Variants in SPPL2A observed in about 807,000 individuals in gnomAD.
SPPL2A encodes the protein signal peptide peptidase like 2A, also known as signal peptide peptidase-like 2A.
SPPL2A carries 51 observed loss-of-function variants against 63.8 expected under a neutral mutation model. The ratio of observed to expected loss-of-function variants is 0.80; its 90% CI spans 0.64 to 1.01. The LOEUF (loss-of-function observed/expected upper bound fraction) is 1.01. Ranked by LOEUF, SPPL2A falls within the 50% of genes least tolerant of loss-of-function variation. The pLI is 0.00. For missense variants in SPPL2A, 553 were observed against 622.7 expected (o/e 0.89, Z 1.19); for synonymous variants, 188 against 205.8 (o/e 0.91, Z 0.74).
At position 50,734,534 on chromosome 15, in the gene SPPL2A, A is replaced by G. The variant is rs192535620; in HGVS notation, c.932+1567T>C. 8.5e-5 allele frequency among the ~76,000 whole-genome samples: 13 copies of G among 152,294 alleles called. No individual in the cohort carries two copies. The East Asian group carries it at 2.5e-3, about 29-fold the overall frequency. On this transcript the variant is annotated intron_variant, in intron 8 of 14. Coordinates refer to ENST00000261854, the MANE Select transcript of SPPL2A (RefSeq NM_032802.4). ...TACCAGAGGCTAAAAAAAGGTAGAG[A>G]GTGGGGGTGATAAAGTGAAGATGGT...
intron 5 of SPPL2A, among the ~76,000 whole-genome samples, chr15:50,744,012 T>TA (rs1257420600): frequency 2.0e-5 from 3 of 151,106 alleles, no homozygotes; most frequent in Middle Eastern, 3.4e-3. Context: ...CCATCTCTAC[T>TA]AAAAAAAATA....
intron 12 of SPPL2A, 32 bp from the exon 13 acceptor site, chr15:50,722,233 A>T: frequency 1.6e-6 from 2 of 1,228,054 alleles, no homozygotes; most frequent in Non-Finnish European, 2.4e-6. Flanking sequence ...TATTTTCTTA[A>T]AACAATAACA....
intron 13 of SPPL2A, 105 bp downstream of exon 13, chr15:50,722,019 T>A (rs2062651041): frequency 1.5e-6 from 1 of 658,118 alleles, no homozygotes; most frequent in Non-Finnish European, 2.7e-6. Flanking sequence ...ACTCCAGGGG[T>A]GAACCACCAT....
In SPPL2A at chr15:50,707,805, G is replaced by C. The variant is rs1258217922; in HGVS notation, c.1558C>G (p.Gln520Glu). 5.9e-6 allele frequency: 9 copies of C among 1,526,378 alleles called. No homozygotes were observed. The highest frequency in any genetic ancestry group is 8.2e-6 in the Non-Finnish European group (9 of 1,100,300). The allele number at this position is 1,526,378 out of a possible 1,614,324, so 94.6% of individuals were successfully genotyped here. ...TATAGCAGTTCCACATAATATTATTGCTGGACAATCTGTTCACCAGATATC... is the reference window on the plus strand; with the variant it reads ...TATAGCAGTTCCACATAATATTATTCCTGGACAATCTGTTCACCAGATATC... ...PVISGEQIVQ[Q>E] The change falls in exon 15 of 15, where the codon CAA becomes GAA. Residue 520 changes from glutamine to glutamate, a missense_variant. Transcript: ENST00000261854.
intron 10 of SPPL2A, among the ~76,000 whole-genome samples, chr15:50,730,635 T>TA (rs1473988540): frequency 6.6e-6 from 1 of 152,208 alleles, no homozygotes; most frequent in Non-Finnish European, 1.5e-5. Flanking sequence ...TGCTCTTTCT[T>TA]AGTCTCAAAC....
intron 6 of SPPL2A, 52 bp downstream of exon 6, chr15:50,739,624 TAGTC>T: frequency 8.2e-7 from 1 of 1,224,434 alleles, no homozygotes; most frequent in Non-Finnish European, 1.1e-6. Flanking sequence ...AATCTAGTAA[TAGTC>T]AGTGAAAAGA....
At chr15:50,749,579 C>T (rs570729315) in intron 2 of SPPL2A, 57 bp downstream of exon 2, 34 of 1,179,644 alleles carry the variant, frequency 2.9e-5, no homozygotes, top group South Asian at 2.8e-4. Flanking sequence ...AGCCACCGTG[C>T]CCAGCCTCCT....
chr15:50,710,100 T>C (rs564522760), intron 14 of SPPL2A, among the ~76,000 whole-genome samples: 8 of 152,366 alleles, frequency 5.3e-5, no homozygotes, highest in African/African-American at 1.9e-4. Flanking sequence ...TTAAAAGTTC[T>C]GGGTCTAAGA....
intron 10 of SPPL2A, among the ~76,000 whole-genome samples, chr15:50,726,853 C>CCT (rs2062691696): frequency 6.6e-6 from 1 of 152,146 alleles, no homozygotes; most frequent in South Asian, 2.1e-4. Context: ...ATACATCTGA[C>CCT]CTTCTGGCTA....
At position 50,765,499 on chromosome 15, in the gene SPPL2A, G is replaced by T; in HGVS notation, c.35C>A (p.Ala12Asp). 1 of 1,503,014 alleles carries T rather than the reference G, an allele frequency of 6.7e-7. No homozygotes were observed. The highest frequency in any genetic ancestry group is 8.8e-7 in the Non-Finnish European group (1 of 1,133,556). 93.1% of individuals were successfully genotyped at this position (1,503,014 alleles called of 1,614,324 possible). A position where few individuals can be genotyped will look rare whatever the true frequency, so the allele number is the denominator to read the frequency against. ...GAGCAGGAAGCCCCAGAGTAGGGCG[G>T]CCCCGGCAGGGGACAGCCGCCGCTG... is the stretch of plus-strand genomic sequence containing the variant. ...GPQRRLSPAG[A>D]ALLWGFLLQL... The change falls in exon 1 of 15, where the codon GCC becomes GAC. Residue 12 changes from alanine (A) to aspartate (D), a missense_variant. Transcript: ENST00000261854.
chr15:50,721,865 C>T (rs2062649880), intron 13 of SPPL2A, among the ~76,000 whole-genome samples: 1 of 152,136 alleles, frequency 6.6e-6, no homozygotes, highest in Non-Finnish European at 1.5e-5. Context: ...CTCGGCCTCC[C>T]AAAGTGCTGG....
chr15:50,738,286 C>A (rs1331766174), intron 6 of SPPL2A, among the ~76,000 whole-genome samples: 1 of 152,098 alleles, frequency 6.6e-6, no homozygotes, highest in East Asian at 1.9e-4. Context: ...CGGTAACTCA[C>A]GCCTGTAATC....
chr15:50,731,933 A>C (rs2062734450), intron 9 of SPPL2A, among the ~76,000 whole-genome samples: 1 of 126,642 alleles, frequency 7.9e-6, no homozygotes, highest in Non-Finnish European at 1.7e-5. Flanking sequence ...ATCTCAAAAA[A>C]AAAAAAAAAA....
At position 50,703,349 on chromosome 15, in the gene SPPL2A, TATATA is replaced by T. The variant is rs2062489379; in HGVS notation, c.*4446_*4450del. The T allele has an allele frequency of 9.1e-5, 8 of 87,946 alleles. No homozygotes were observed. The highest frequency in any genetic ancestry group is 4.1e-4 in the South Asian group (1 of 2,416). 5.4% of individuals were successfully genotyped at this position (87,946 alleles called of 1,614,324 possible). On this transcript the variant is annotated 3_prime_UTR_variant, in exon 15 of 15. Coordinates refer to ENST00000261854, the MANE Select transcript of SPPL2A (RefSeq NM_032802.4). Reference sequence around the variant, plus strand: ...ACATATATATATATATATATATACATATATATATTTTTTTTTTTTTTTTTTTTTTT... The same window carrying T: ...ACATATATATATATATATATATACATTATTTTTTTTTTTTTTTTTTTTTTT...
rs146453456 is a variant in SPPL2A at position 50,749,709 on chromosome 15, T to C, written c.104A>G (p.Asn35Ser). 1.2e-6 allele frequency: 2 copies of C among 1,613,670 alleles called. No individual in the cohort carries two copies. The highest frequency in any genetic ancestry group is 1.3e-5 in the African/African-American group (1 of 74,918). Residue 35 changes from asparagine to serine, a missense_variant, in exon 2 of 15, where the codon AAT becomes AGT. Transcript: ENST00000261854. The part of the protein sequence containing the change: ...AQEAILHASG[N>S]GTTKDYCMLY... ...CATGCAGTAGTCCTTGGTTGTGCCA[T>C]TTCCAGACGCATGCAAGATTGCTTC... is the stretch of plus-strand genomic sequence containing the variant.
chr15:50,722,287 T>C (rs1180035364), intron 12 of SPPL2A, 86 bp from the exon 13 acceptor site: 9 of 746,532 alleles, frequency 1.2e-5, no homozygotes, highest in South Asian at 9.6e-5. Context: ...ATATGTTATA[T>C]TGAATCTTCA....
At chr15:50,738,564 A>G (rs184393087) in intron 6 of SPPL2A, among the ~76,000 whole-genome samples, 68 of 151,752 alleles carry the variant, frequency 4.5e-4, no homozygotes, top group African/African-American at 1.5e-3. Flanking sequence ...AAAAAAAAAA[A>G]GCTGAATGAA....
At chr15:50,753,948 C>G (rs1322995352) in intron 1 of SPPL2A, among the ~76,000 whole-genome samples, 2 of 152,100 alleles carry the variant, frequency 1.3e-5, no homozygotes, top group East Asian at 3.9e-4. Flanking sequence ...AAGCACCCAC[C>G]ACCACGCCTG....
chr15:50,751,267 T>C (rs1223721264), intron 1 of SPPL2A, among the ~76,000 whole-genome samples: 1 of 152,254 alleles, frequency 6.6e-6, no homozygotes, highest in African/African-American at 2.4e-5. Context: ...TACATTCTTA[T>C]GATATAACAA....
Sources: gnomAD v4.1 joint callset for allele counts (sites outside exome capture counted in the v4.1 genomes callset) on GRCh38, gnomAD v4.1.1 for gene constraint, MANE v1.5 for transcripts, NCBI Gene and HGNC (gene_info 2026-07-23, HGNC 2026-07-21) for gene names.